The following MAPKAP1 variants were observed in gnomAD, a reference collection of about 807,000 sequenced individuals.
The protein encoded by MAPKAP1 is MAPK associated protein 1.
MAPKAP1 carries 20 observed loss-of-function variants against 65.7 expected under a neutral mutation model. The ratio of observed to expected loss-of-function variants is 0.30; its 90% CI spans 0.21 to 0.44. MAPKAP1 has a LOEUF of 0.44. MAPKAP1 is among the 20% of genes least tolerant of loss of function. The probability of loss-of-function intolerance (pLI) is 1.00; values close to 1 mark genes in which losing one functional copy is unlikely to be tolerated. For missense variants in MAPKAP1, 423 were observed against 648.0 expected (o/e 0.65, Z 3.77); for synonymous variants, 222 against 244.3 (o/e 0.91, Z 0.85).
At chr9:125,606,373 A>T (rs998632504) in intron 4 of MAPKAP1, among the ~76,000 whole-genome samples, 4 of 152,206 alleles carry the variant, frequency 2.6e-5, no homozygotes, top group Admixed American at 6.5e-5. Context: ...CTTCTTTAAG[A>T]TTTCTATGAA....
At chr9:125,635,919 A>AGT (rs1833410769) in intron 4 of MAPKAP1, among the ~76,000 whole-genome samples, 1 of 152,216 alleles carries the variant, frequency 6.6e-6, no homozygotes, top group African/African-American at 2.4e-5. Context: ...GTTTTCACTA[A>AGT]ATTAAACTAA....
At chr9:125,572,605 CAA>C (rs1402464561) in intron 5 of MAPKAP1, among the ~76,000 whole-genome samples, 3 of 152,080 alleles carry the variant, frequency 2.0e-5, no homozygotes, top group African/African-American at 7.2e-5. Flanking sequence ...TCCTGTGAAC[CAA>C]AGAGTGATCT....
intron 7 of MAPKAP1, among the ~76,000 whole-genome samples, chr9:125,507,577 A>G (rs1458513389): frequency 2.0e-5 from 3 of 152,226 alleles, no homozygotes; most frequent in Admixed American, 6.5e-5. Flanking sequence ...GTTCAGCTGT[A>G]GCACTGTAGA....
chr9:125,449,027 A>G (rs934630428), intron 10 of MAPKAP1, among the ~76,000 whole-genome samples: 2 of 149,650 alleles, frequency 1.3e-5, no homozygotes, highest in African/African-American at 2.5e-5. Context: ...AAAAAAAATC[A>G]GCTAAGAAAA....
At chr9:125,542,859 C>T in intron 7 of MAPKAP1, 200 bp downstream of exon 7, 2 of 730,788 alleles carry the variant, frequency 2.7e-6, no homozygotes, top group South Asian at 2.7e-5. Context: ...ACATTCTTCT[C>T]ACATATGCCG....
At chr9:125,624,334 T>G (rs1589356143) in intron 4 of MAPKAP1, among the ~76,000 whole-genome samples, 1 of 21,050 alleles carries the variant, frequency 4.8e-5, no homozygotes, top group Non-Finnish European at 1.2e-4. Flanking sequence ...GGGAAGGAGG[T>G]GGGGGGGTCG....
At chr9:125,567,516 T>A (rs1831096033) in intron 5 of MAPKAP1, 1 of 152,240 alleles carries the variant, frequency 6.6e-6, no homozygotes, top group Non-Finnish European at 1.5e-5. Context: ...GCATGAATAA[T>A]CCACTGTTGT....
At chr9:125,621,840 T>A (rs755433887) in intron 4 of MAPKAP1, among the ~76,000 whole-genome samples, 2 of 152,210 alleles carry the variant, frequency 1.3e-5, no homozygotes, top group Non-Finnish European at 2.9e-5. Flanking sequence ...CTGAAAAGTT[T>A]AGAAGTGCAA....
At chr9:125,679,500 A>G (rs1009190583) in intron 1 of MAPKAP1, among the ~76,000 whole-genome samples, 1 of 152,206 alleles carries the variant, frequency 6.6e-6, no homozygotes, top group Non-Finnish European at 1.5e-5. Context: ...TCAAAAAAAT[A>G]AAAGTCACAA....
chr9:125,626,316 A>G (rs1271623624), intron 4 of MAPKAP1, among the ~76,000 whole-genome samples: 1 of 152,224 alleles, frequency 6.6e-6, no homozygotes, highest in East Asian at 1.9e-4. Context: ...TGTTGGGGTC[A>G]GGGCCCTGGC....
chr9:125,681,835 A>G (rs141409985), intron 1 of MAPKAP1, among the ~76,000 whole-genome samples: 4 of 152,354 alleles, frequency 2.6e-5, no homozygotes, highest in African/African-American at 9.6e-5. Context: ...CAGTTGTGTG[A>G]TCACAGCTCA....
Position 125,613,954 on chromosome 9 carries a change from C to T in MAPKAP1, c.499-28227G>A, listed in dbSNP as rs375402194. Among the ~76,000 whole-genome samples the T allele has an allele frequency of 5.9e-5, 9 of 152,190 alleles. No homozygotes were observed. In the South Asian group the frequency reaches 6.2e-4, roughly 11 times the overall value. On this transcript the variant is annotated intron_variant, in intron 4 of 11. Transcript: ENST00000265960. ...CTGGGACTACAGGCGCCCGCCACCA[C>T]GCTCGGCTAATTTTTTGTATTTTTT...
intron 9 of MAPKAP1, among the ~76,000 whole-genome samples, chr9:125,478,404 T>C (rs1854187996): frequency 6.6e-6 from 1 of 152,204 alleles, no homozygotes; most frequent in Non-Finnish European, 1.5e-5. Flanking sequence ...CCTAGCTCAA[T>C]GCAGCTTTGA....
intron 6 of MAPKAP1, among the ~76,000 whole-genome samples, chr9:125,557,154 T>C (rs1353975675): frequency 6.6e-6 from 1 of 152,172 alleles, no homozygotes; most frequent in Admixed American, 6.5e-5. Context: ...CTCCTTCCTA[T>C]TCTCCAGAAG....
intron 4 of MAPKAP1, among the ~76,000 whole-genome samples, chr9:125,601,711 A>C (rs369749472): frequency 6.6e-6 from 1 of 152,232 alleles, no homozygotes; most frequent in African/African-American, 2.4e-5. Flanking sequence ...CTAGCAAACA[A>C]TGTAAAAACA....
rs1309849592 is a variant in MAPKAP1 at position 125,459,034 on chromosome 9, C to T, written c.1345+8938G>A. Among the ~76,000 whole-genome samples the T allele has an allele frequency of 4.3e-3, 551 of 126,688 alleles. 2 individuals carry two copies. The highest frequency in any genetic ancestry group is 0.016 in the African/African-American group (509 of 32,170). The allele number at this position is 126,688 out of a possible 152,430, so 83.1% of individuals were successfully genotyped here. ...CTTCTCAGACGGGGCGGCTGCCGGGCGGAGGGGCTCCTCACTTCTCAGACG... is the reference window on the plus strand; with the variant it reads ...CTTCTCAGACGGGGCGGCTGCCGGGTGGAGGGGCTCCTCACTTCTCAGACG... On this transcript the variant is annotated intron_variant, in intron 10 of 11. Coordinates refer to ENST00000265960, the MANE Select transcript of MAPKAP1 (RefSeq NM_001006617.3).
intron 5 of MAPKAP1, among the ~76,000 whole-genome samples, chr9:125,578,291 TGCGGAAGGCC>T (rs1373406491): frequency 4.6e-5 from 7 of 152,012 alleles, no homozygotes; most frequent in Non-Finnish European, 7.4e-5. Context: ...ACACAAACAC[TGCGGAAGGCC>T]GCAGGGTCCT....
chr9:125,595,516 G>T lies in MAPKAP1; in HGVS notation c.499-9789C>A. On this transcript the variant is annotated intron_variant, in intron 4 of 11. Transcript: ENST00000265960. This position sits in a 1 kb window ranked among gnomAD's most constrained non-coding sequence, Gnocchi z 4.0. Reference sequence around the variant, plus strand: ...TAATTTCAAAATCATATACCTGATAGTTTCCAAAGTAGGAGAAGCAATAAG... The same window carrying T: ...TAATTTCAAAATCATATACCTGATATTTTCCAAAGTAGGAGAAGCAATAAG... 9.0e-7 allele frequency: 1 copy of T among 1,113,464 alleles called. No individual in the cohort carries two copies. 69.0% of individuals were successfully genotyped at this position (1,113,464 alleles called of 1,614,324 possible).
rs184350783 is a variant in MAPKAP1, at chr9:125,674,989, T to C, written c.-69-2346A>G. ...TCAGAAAAAAATATGAAATTAACAA[T>C]GAGCATTTAAATTTCACTTGTAAAA... is the stretch of plus-strand genomic sequence containing the variant. On this transcript the variant is annotated intron_variant, in intron 1 of 11. Transcript: ENST00000265960. 3.4e-4 allele frequency among the ~76,000 whole-genome samples: 52 copies of C among 152,310 alleles called. No homozygotes were observed. The East Asian group carries it at 0.01, about 29-fold the overall frequency.
Sources: allele counts gnomAD v4.1 joint callset (sites outside exome capture counted in the v4.1 genomes callset), GRCh38; gene constraint gnomAD v4.1.1; non-coding constraint Gnocchi (gnomAD v3.1); transcripts MANE v1.5; gene names NCBI Gene and HGNC (gene_info 2026-07-23, HGNC 2026-07-21).